The following SPATS2 variants were observed in gnomAD, a reference collection of about 807,000 sequenced individuals.
SPATS2 encodes spermatogenesis associated serine rich 2.
SPATS2 carries 38 observed loss-of-function variants against 63.7 expected under a neutral mutation model. The observed-to-expected ratio is 0.60, with a 90% CI of 0.46 to 0.78. The LOEUF is 0.78. SPATS2 is among the 30% of genes least tolerant of loss of function. The pLI is 0.00. For missense variants in SPATS2, 588 were observed against 666.2 expected (o/e 0.88, Z 1.29); for synonymous variants, 207 against 232.9 (o/e 0.89, Z 1.01).
At chr12:49,428,232 G>A (rs374492466) in intron 2 of SPATS2, among the ~76,000 whole-genome samples, 1 of 151,694 alleles carries the variant, frequency 6.6e-6, no homozygotes, top group Non-Finnish European at 1.5e-5. Flanking sequence ...TCCAGCCTGG[G>A]CTAAGGAGCG....
chr12:49,453,028 G>C (rs900843927), intron 2 of SPATS2, among the ~76,000 whole-genome samples: 2 of 151,882 alleles, frequency 1.3e-5, no homozygotes, highest in Non-Finnish European at 2.9e-5. Flanking sequence ...ACGTGATGGC[G>C]GGCGCCTGTA....
chr12:49,390,863 T>C (rs1944406506), intron 2 of SPATS2, among the ~76,000 whole-genome samples: 1 of 152,196 alleles, frequency 6.6e-6, no homozygotes, highest in African/African-American at 2.4e-5. Flanking sequence ...GACATTTTAG[T>C]AGGTTAAACT....
chr12:49,508,699 T>C (rs1189746747), intron 9 of SPATS2, among the ~76,000 whole-genome samples: 1 of 151,916 alleles, frequency 6.6e-6, no homozygotes, highest in African/African-American at 2.4e-5. Context: ...CTTCCCCAAG[T>C]GCTGGGATAG....
At chr12:49,513,208 A>T (rs1332294438) in intron 9 of SPATS2, among the ~76,000 whole-genome samples, 4 of 143,460 alleles carry the variant, frequency 2.8e-5, no homozygotes, top group South Asian at 4.3e-4. Flanking sequence ...CGAGAGAGAA[A>T]GAGTGTGTGT....
chr12:49,469,707 A>G lies in SPATS2; in HGVS notation c.25+8670A>G, dbSNP rs927791550. 22 of 353,494 alleles carry G rather than the reference A, an allele frequency of 6.2e-5. No individual in the cohort carries two copies. The Admixed American group carries it at 7.9e-4, about 13-fold the overall frequency. The allele number at this position is 353,494 out of a possible 1,614,324, so 21.9% of individuals were successfully genotyped here. ...GGAGTTCAAGACCAGCCTGGCCAAC[A>G]TGGTGAAACCCCATCTCTGTTAAAA... On this transcript the variant is annotated intron_variant, in intron 3 of 13. Coordinates refer to ENST00000552918, the MANE Select transcript of SPATS2 (RefSeq NM_023071.4).
chr12:49,470,948 T>G (rs768646298), intron 3 of SPATS2, among the ~76,000 whole-genome samples: 1 of 152,184 alleles, frequency 6.6e-6, no homozygotes, highest in African/African-American at 2.4e-5. Context: ...TTTAAAAACT[T>G]TGAAGGTAAA....
At chr12:49,481,333 C>T (rs1411133562) in intron 3 of SPATS2, among the ~76,000 whole-genome samples, 2 of 151,922 alleles carry the variant, frequency 1.3e-5, no homozygotes, top group African/African-American at 4.8e-5. Flanking sequence ...GTACTCCCCG[C>T]CTGGGCAACA....
intron 2 of SPATS2, among the ~76,000 whole-genome samples, chr12:49,398,802 C>G (rs554795291): frequency 6.6e-6 from 1 of 152,244 alleles, no homozygotes; most frequent in Admixed American, 6.5e-5. Flanking sequence ...TTAAACAGCT[C>G]TTTTACTAGG....
At chr12:49,488,845 A>G (rs975510594) in intron 4 of SPATS2, among the ~76,000 whole-genome samples, 3 of 152,212 alleles carry the variant, frequency 2.0e-5, no homozygotes, top group Non-Finnish European at 4.4e-5. Context: ...ACGTATGGAA[A>G]TAATACCAAG....
chr12:49,389,830 G>C, intron 2 of SPATS2: 1 of 899,958 alleles, frequency 1.1e-6, no homozygotes, highest in Non-Finnish European at 1.9e-6. Context: ...AGCAAGTATC[G>C]AGAACAAATG....
intron 9 of SPATS2, among the ~76,000 whole-genome samples, chr12:49,504,810 C>T (rs1317663292): frequency 7.5e-6 from 1 of 134,078 alleles, no homozygotes; most frequent in African/African-American, 3.0e-5. Flanking sequence ...TCTCTGTTGA[C>T]CATACTGGAG....
chr12:49,518,315 C>T (rs992760604), intron 10 of SPATS2, among the ~76,000 whole-genome samples: 28 of 152,078 alleles, frequency 1.8e-4, no homozygotes, highest in Non-Finnish European at 4.1e-4. Flanking sequence ...CACTGTAGCC[C>T]CTGTCTCTCT....
intron 9 of SPATS2, among the ~76,000 whole-genome samples, chr12:49,514,050 G>T (rs1458779443): frequency 6.6e-6 from 1 of 151,884 alleles, no homozygotes; most frequent in Non-Finnish European, 1.5e-5. Context: ...CAAGCTACTC[G>T]GGAGGCTGAG....
chr12:49,466,249 C>T (rs569371831), intron 3 of SPATS2, among the ~76,000 whole-genome samples: 8 of 152,016 alleles, frequency 5.3e-5, no homozygotes, highest in South Asian at 4.2e-4. Flanking sequence ...CTACAACCTC[C>T]GCCTCCCAGG....
At chr12:49,456,204 A>C (rs1473548529) in intron 2 of SPATS2, among the ~76,000 whole-genome samples, 1 of 152,256 alleles carries the variant, frequency 6.6e-6, no homozygotes, top group Admixed American at 6.5e-5. Context: ...TGATGGGAGC[A>C]GCCATAGACT....
chr12:49,395,036 G>A (rs1408055356), intron 2 of SPATS2, among the ~76,000 whole-genome samples: 2 of 151,858 alleles, frequency 1.3e-5, no homozygotes, highest in Non-Finnish European at 2.9e-5. Flanking sequence ...TCCCACCACC[G>A]CACTCCAGCC....
chr12:49,509,359 C>T (rs183667552), intron 9 of SPATS2, among the ~76,000 whole-genome samples: 27 of 142,412 alleles, frequency 1.9e-4, no homozygotes, highest in South Asian at 4.5e-4. Flanking sequence ...CGGCTCACTG[C>T]AACCCCTGCC....
chr12:49,442,149 A>G (rs1361849690), intron 2 of SPATS2, among the ~76,000 whole-genome samples: 1 of 152,184 alleles, frequency 6.6e-6, no homozygotes, highest in Non-Finnish European at 1.5e-5. Context: ...AAGATAGTCA[A>G]AGCTTTCCAT....
chr12:49,473,093 A>G (rs998368204), intron 3 of SPATS2, among the ~76,000 whole-genome samples: 2 of 151,112 alleles, frequency 1.3e-5, no homozygotes, highest in South Asian at 4.2e-4. Context: ...AAAAAACAGA[A>G]TAATGAAAGC....
Sources: allele counts gnomAD v4.1 joint callset (sites outside exome capture counted in the v4.1 genomes callset), GRCh38; gene constraint gnomAD v4.1.1; transcripts MANE v1.5; gene names NCBI Gene and HGNC (gene_info 2026-07-23, HGNC 2026-07-21).